The following CCDC144A variants were observed in gnomAD, a reference collection of about 807,000 sequenced individuals.
CCDC144A encodes the protein coiled-coil domain containing 144A.
In CCDC144A, 41 loss-of-function variants were observed where a neutral mutation model predicts 143.8. That is an observed-to-expected ratio of 0.29 (90% CI 0.22 to 0.37). The LOEUF is 0.37. CCDC144A is among the 10% of genes least tolerant of loss of function. The pLI is 1.00. For synonymous variants in CCDC144A, 242 were observed against 517.9 expected (o/e 0.47, Z 7.23); for missense variants, 637 against 1,488.8 (o/e 0.43, Z 9.41).
chr17:16,680,565 GAGAA>G, the CCDC144A span, among the ~76,000 whole-genome samples: 2,970 of 142,290 alleles, frequency 0.021, 97 homozygotes, highest in African/African-American at 0.072. Context: ...AAGAGAGAGA[GAGAA>G]AGAAAGAGAG....
At chr17:16,752,203 T>C (rs566276693) in intron 12 of CCDC144A, among the ~76,000 whole-genome samples, 2 of 152,270 alleles carry the variant, frequency 1.3e-5, no homozygotes, top group Admixed American at 6.5e-5. Flanking sequence ...TAGATTCTCA[T>C]AGGAGCGCGA....
intron 16 of CCDC144A, among the ~76,000 whole-genome samples, 180 bp from the exon 17 acceptor site, chr17:16,773,317 G>A (rs945829423): frequency 6.6e-6 from 1 of 152,026 alleles, no homozygotes; most frequent in African/African-American, 2.4e-5. Context: ...AGGCACAGTG[G>A]CTCATGCCTG....
intron 12 of CCDC144A, among the ~76,000 whole-genome samples, chr17:16,753,527 G>C (rs1914920652): frequency 7.3e-6 from 1 of 137,618 alleles, no homozygotes; most frequent in Non-Finnish European, 1.5e-5. Context: ...AGCTAGAATA[G>C]TGGGACGGCC....
chr17:16,720,843 A>T (rs1181556165), intron 8 of CCDC144A, among the ~76,000 whole-genome samples, 185 bp downstream of exon 8: 1 of 152,166 alleles, frequency 6.6e-6, no homozygotes, highest in Non-Finnish European at 1.5e-5. Context: ...TCTCAGTGTG[A>T]GTGGCATTCC....
chr17:16,757,565 C>G (rs1233940280), intron 12 of CCDC144A, among the ~76,000 whole-genome samples: 1 of 152,234 alleles, frequency 6.6e-6, no homozygotes, highest in African/African-American at 2.4e-5. Flanking sequence ...ATAGCAGCAG[C>G]AAGCAAAGTG....
At position 16,762,382 on chromosome 17, in the gene CCDC144A, C is replaced by G; in HGVS notation, c.3736C>G (p.Gln1246Glu). The change falls in exon 14 of 17, where the codon CAG becomes GAG. Residue 1246 changes from glutamine (Q) to glutamate (E), a missense_variant. By Grantham distance (29) the Gln-to-Glu change is conservative. Transcript: ENST00000399273. ...REDNTTSIKT[Q>E]MELTIKDLES... ...GGATAATACTACTTCAATAAAAACT[C>G]AGATGGAACTCACAATCAAAGATCT... The G allele has an allele frequency of 3.8e-6, 6 of 1,596,400 alleles. No individual in the cohort carries two copies. Among genetic ancestry groups the G allele is most frequent in the Non-Finnish European group, 5.1e-6 (6 of 1,172,296 alleles).
intron 8 of CCDC144A, among the ~76,000 whole-genome samples, chr17:16,720,915 T>C (rs1305595292): frequency 6.6e-6 from 1 of 152,062 alleles, no homozygotes; most frequent in African/African-American, 2.4e-5. Context: ...ACCATTTTTT[T>C]CTCCACCTGG....
chr17:16,761,032 A>T (rs1178623626), intron 12 of CCDC144A, among the ~76,000 whole-genome samples: 1 of 149,632 alleles, frequency 6.7e-6, no homozygotes, highest in Non-Finnish European at 1.5e-5. Context: ...TTTATTTCAA[A>T]AATTATTAGT....
At chr17:16,747,717 T>A (rs1483533359) in intron 12 of CCDC144A, among the ~76,000 whole-genome samples, 1 of 152,190 alleles carries the variant, frequency 6.6e-6, no homozygotes, top group Non-Finnish European at 1.5e-5. Flanking sequence ...ACATTCTTGA[T>A]TTGTCTCTCA....
In CCDC144A at chr17:16,776,313, A is replaced by G. The variant is rs1349950716; in HGVS notation, c.*2680A>G. 1.3e-5 allele frequency: 2 copies of G among 152,188 alleles called. No individual in the cohort carries two copies. The highest frequency in any genetic ancestry group is 2.9e-5 in the Non-Finnish European group (2 of 68,070). The allele number at this position is 152,188 out of a possible 1,614,324, so 9.4% of individuals were successfully genotyped here. On this transcript the variant is annotated 3_prime_UTR_variant, in exon 17 of 17. Coordinates refer to ENST00000399273, the MANE Select transcript of CCDC144A (RefSeq NM_001382000.1). ...CTTGGGCAGTGTGGTCATTTTCACG[A>G]TATTGAACCTTCCTGTCTGTGAGCA...
At chr17:16,729,870 AT>A (rs1243012555) in intron 9 of CCDC144A, among the ~76,000 whole-genome samples, 19 of 115,954 alleles carry the variant, frequency 1.6e-4, no homozygotes, top group African/African-American at 6.2e-4. Context: ...AAAAAAAAAT[AT>A]ATATATATAT....
chr17:16,696,421 G>T (rs1459470430), intron 2 of CCDC144A, among the ~76,000 whole-genome samples: 2 of 151,176 alleles, frequency 1.3e-5, no homozygotes, highest in African/African-American at 4.9e-5. Context: ...CACAAGGTCA[G>T]GAGATCGAGA....
the CCDC144A span, among the ~76,000 whole-genome samples, chr17:16,679,566 G>A: frequency 1.3e-5 from 2 of 151,916 alleles, no homozygotes; most frequent in South Asian, 2.1e-4. Flanking sequence ...CGGGCTGTGA[G>A]GTTCTGCCCA....
At position 16,755,260 on chromosome 17, in the gene CCDC144A, C is replaced by T. The variant is rs796252235; in HGVS notation, c.3373-6165C>T. On this transcript the variant is annotated intron_variant, in intron 12 of 16. Transcript: ENST00000399273. ...TTTTATGAGAGGTGAGGACTTACTC[C>T]TTTCATTTATTAATTGTTTAGTGAT... Among the ~76,000 whole-genome samples the T allele has an allele frequency of 2.0e-5, 3 of 152,156 alleles. No individual in the cohort carries two copies. The East Asian group carries it at 5.8e-4, about 29-fold the overall frequency.
chr17:16,753,604 A>ATT (rs1302712596), intron 12 of CCDC144A, among the ~76,000 whole-genome samples: 1 of 151,768 alleles, frequency 6.6e-6, no homozygotes, highest in African/African-American at 2.4e-5. Flanking sequence ...TATTGGCATT[A>ATT]TTTTTGTATG....
In CCDC144A at chr17:16,705,182, T is replaced by G; in HGVS notation, c.447T>G (p.Asp149Glu). ...DWHPTNLTLS[D>E]ETCQRSKNLK... ...ATCCTACTAATTTGACCCTTAGTGA[T>G]GAGACTTGTCAGAGATCCAAGAATC... The change falls in exon 3 of 17, where the codon GAT becomes GAG. Residue 149 changes from aspartate (D) to glutamate (E), a missense_variant. Coordinates refer to ENST00000399273, the MANE Select transcript of CCDC144A (RefSeq NM_001382000.1). The G allele has an allele frequency of 8.6e-6, 9 of 1,052,614 alleles. No homozygotes were observed. Among genetic ancestry groups the G allele is most frequent in the Non-Finnish European group, 1.3e-5 (9 of 680,868 alleles). 65.2% of individuals were successfully genotyped at this position (1,052,614 alleles called of 1,614,324 possible).
At chr17:16,686,082 G>GTT (rs1194028272), upstream of CCDC144A, among the ~76,000 whole-genome samples, 30 of 128,620 alleles carry the variant, frequency 2.3e-4, no homozygotes, top group Admixed American at 1.0e-3. Context: ...GAGCCCGGCT[G>GTT]TTTTTTTTGT....
chr17:16,747,773 T>C (rs769651609), intron 12 of CCDC144A, among the ~76,000 whole-genome samples: 1 of 152,248 alleles, frequency 6.6e-6, no homozygotes, highest in Non-Finnish European at 1.5e-5. Flanking sequence ...TATTTTTACA[T>C]TGATTTTTGT....
the CCDC144A span, among the ~76,000 whole-genome samples, chr17:16,676,283 A>G: frequency 1.3e-5 from 2 of 152,002 alleles, no homozygotes; most frequent in African/African-American, 2.4e-5. Context: ...AGGCCAAGGC[A>G]GGTGGATTGC....
Sources: gnomAD v4.1 joint callset for allele counts (sites outside exome capture counted in the v4.1 genomes callset) on GRCh38, gnomAD v4.1.1 for gene constraint, MANE v1.5 for transcripts, NCBI Gene and HGNC (gene_info 2026-07-23, HGNC 2026-07-21) for gene names.